MYO5C: variants seen among roughly 807,000 people sequenced by gnomAD.
The protein encoded by MYO5C is myosin VC.
MYO5C carries 194 observed loss-of-function variants against 235.7 expected under a neutral mutation model. The observed-to-expected ratio is 0.82, with a 90% confidence interval of 0.73 to 0.93. The LOEUF is 0.93. Ranked by LOEUF, MYO5C falls within the 40% of genes least tolerant of loss-of-function variation. The pLI is 0.00. For missense variants in MYO5C, 2,038 were observed against 2,127.2 expected (o/e 0.96, Z 0.82); for synonymous variants, 707 against 754.8 (o/e 0.94, Z 1.04).
rs2036951849 is a variant in MYO5C at position 52,272,689 on chromosome 15, T to C, written c.641A>G (p.Asn214Ser). 1.2e-6 allele frequency: 2 copies of C among 1,614,148 alleles called. No homozygotes were observed. The highest frequency in any genetic ancestry group is 2.2e-5 in the South Asian group (2 of 91,058). Residue 214 changes from asparagine (N) to serine (S), a missense_variant, in exon 6 of 41, where the codon AAT (asparagine) becomes AGT (serine). Transcript: ENST00000261839. ...VGNAKTTRND[N>S]SSRFGKYTEI... The stretch of plus-strand genomic sequence containing the variant: ...TGTGTATTTCCCAAACCGACTACTA[T>C]TGTCATTGCGGGTGGTCTTGGCATT...
chr15:52,242,554 A>G (rs538804840), intron 19 of MYO5C: 92 of 201,728 alleles, frequency 4.6e-4, no homozygotes, highest in African/African-American at 2.0e-3. Context: ...TTCATGACAC[A>G]GCAGCAGGAG....
chr15:52,253,414 A>C lies in MYO5C; in HGVS notation c.1439T>G (p.Ile480Arg). ...LEQEEYMKEDIPWTLIDFYDN... is the reference protein window; with the variant it reads ...LEQEEYMKEDRPWTLIDFYDN... ...ATAAAAATCTATCAGCGTCCAAGGTATATCTTCCTTCATGTATTCTTCTTG... is the reference window on the plus strand; with the variant it reads ...ATAAAAATCTATCAGCGTCCAAGGTCTATCTTCCTTCATGTATTCTTCTTG... The change falls in exon 12 of 41, where the codon ATA becomes AGA. Residue 480 changes from isoleucine (I) to arginine (R), a missense_variant. Ile to Arg is a moderately conservative substitution (Grantham distance 97). Coordinates refer to ENST00000261839, the MANE Select transcript of MYO5C (RefSeq NM_018728.4). The C allele has an allele frequency of 6.2e-7, 1 of 1,613,870 alleles. No individual in the cohort carries two copies. The highest frequency in any genetic ancestry group is 8.5e-7 in the Non-Finnish European group (1 of 1,179,852).
chr15:52,217,703 G>C (rs2035586618), intron 32 of MYO5C, among the ~76,000 whole-genome samples: 1 of 152,204 alleles, frequency 6.6e-6, no homozygotes, highest in African/African-American at 2.4e-5. Flanking sequence ...ACTCTTCAAA[G>C]TTAAACCCTG....
At chr15:52,236,065 C>A (rs1472604301) in intron 22 of MYO5C, among the ~76,000 whole-genome samples, 2 of 152,218 alleles carry the variant, frequency 1.3e-5, no homozygotes, top group South Asian at 4.1e-4. Flanking sequence ...TTTTGTCGAG[C>A]TTCTCAATAG....
intron 8 of MYO5C, among the ~76,000 whole-genome samples, chr15:52,268,493 GC>G (rs1265302390): frequency 6.6e-6 from 1 of 152,120 alleles, no homozygotes; most frequent in African/African-American, 2.4e-5. Flanking sequence ...AATCGGGGAG[GC>G]AGAGGTTGCG....
chr15:52,232,324 G>GGGAGGAGA (rs1327224399), intron 24 of MYO5C, among the ~76,000 whole-genome samples: 4,057 of 136,746 alleles, frequency 0.03, 1,375 homozygotes, highest in East Asian at 0.095. Context: ...AGAGAAGGAA[G>GGGAGGAGA]GAAGGAGAGA....
Position 52,229,246 on chromosome 15 carries a change from C to T in MYO5C, c.3094G>A (p.Glu1032Lys). ...TTCTCATCCTTGAGAGCTTTAATTTCTTCTTTCAAAGACTGAATCTGCTTC... is the reference window on the plus strand; with the variant it reads ...TTCTCATCCTTGAGAGCTTTAATTTTTTCTTTCAAAGACTGAATCTGCTTC... ...YEKQIQSLKE[E>K]IKALKDEKMQ... Residue 1032 changes from glutamate to lysine, a missense_variant, in exon 25 of 41, where the codon GAA (glutamate) becomes AAA (lysine). Transcript: ENST00000261839. The T allele has an allele frequency of 6.2e-7, 1 of 1,614,222 alleles. No individual in the cohort carries two copies. The highest frequency in any genetic ancestry group is 8.5e-7 in the Non-Finnish European group (1 of 1,180,038).
At position 52,205,102 on chromosome 15, in the gene MYO5C, A is replaced by G. The variant is rs759649220; in HGVS notation, c.4583T>C (p.Leu1528Pro). The G allele has an allele frequency of 1.2e-6, 2 of 1,614,240 alleles. No homozygotes were observed. The highest frequency in any genetic ancestry group is 1.7e-6 in the Non-Finnish European group (2 of 1,180,044). ...EYESLQGISG[L>P]KPTGFRKRSS... ...GCGCTTCCGGAAGCCTGTGGGCTTC[A>G]GGCCGGAAATGCCCTGCAGGCTCTC... Residue 1528 changes from leucine to proline, a missense_variant, in exon 38 of 41, where the codon CTG becomes CCG. By Grantham distance (98) the Leu-to-Pro change is moderately conservative. Transcript: ENST00000261839.
At chr15:52,212,067 T>G (rs535755216) in intron 34 of MYO5C, among the ~76,000 whole-genome samples, 183 bp from the exon 35 acceptor site, 1 of 152,350 alleles carries the variant, frequency 6.6e-6, no homozygotes, top group Admixed American at 6.5e-5. Context: ...GATACACAGG[T>G]GTCACTTGTT....
intron 1 of MYO5C, among the ~76,000 whole-genome samples, chr15:52,285,621 G>T (rs994508103): frequency 2.0e-5 from 3 of 152,214 alleles, no homozygotes; most frequent in Admixed American, 6.5e-5. Context: ...GTGGCGCGCC[G>T]CCACGCCTGA....
chr15:52,195,564 T>C, intron 39 of MYO5C, 107 bp from the exon 40 acceptor site: 4 of 672,574 alleles, frequency 5.9e-6, no homozygotes, highest in Non-Finnish European at 9.2e-6. Context: ...GGTGGTTCTT[T>C]TAGCCTATAA....
At chr15:52,250,390 G>A (rs147633675) in intron 13 of MYO5C, among the ~76,000 whole-genome samples, 29 of 151,714 alleles carry the variant, frequency 1.9e-4, no homozygotes, top group Non-Finnish European at 3.5e-4. Context: ...TTACAGGTGC[G>A]TGCCACCACG....
intron 4 of MYO5C, 144 bp from the exon 5 acceptor site, chr15:52,275,862 G>C (rs2037037498): frequency 3.6e-6 from 3 of 823,468 alleles, no homozygotes; most frequent in Middle Eastern, 2.5e-4. Flanking sequence ...TTTCCTTCTA[G>C]ATTTTTTTTT....
Position 52,213,741 on chromosome 15 carries a change from T to A in MYO5C, c.4043-455A>T, listed in dbSNP as rs1043679311. ...ACATAGAGGCTTAAAACAACACAAA[T>A]GTTTAATCATACAGCTCTGGAGGTC... is the stretch of plus-strand genomic sequence containing the variant. On this transcript the variant is annotated intron_variant, in intron 33 of 40. Coordinates refer to ENST00000261839, the MANE Select transcript of MYO5C (RefSeq NM_018728.4). 7.9e-5 allele frequency among the ~76,000 whole-genome samples: 12 copies of A among 152,310 alleles called. No homozygotes were observed. In the South Asian group the frequency reaches 2.5e-3, roughly 32 times the overall value.
intron 33 of MYO5C, 120 bp downstream of exon 33, chr15:52,214,483 C>T: frequency 1.3e-6 from 1 of 749,408 alleles, no homozygotes. Context: ...AGGTCACAAA[C>T]CTCACCACTT....
At position 52,235,721 on chromosome 15, in the gene MYO5C, G is replaced by C. The variant is rs1458887239; in HGVS notation, c.2911C>G (p.Gln971Glu). The change falls in exon 23 of 41, where the codon CAG (glutamine) becomes GAG (glutamate). Residue 971 changes from glutamine to glutamate, a missense_variant. Transcript: ENST00000261839. ...LQKHNSELET[Q>E]KEQIQLKLQE... is the part of the protein sequence containing the mutation. ...AGCTTCAGCTGTATTTGTTCTTTCT[G>C]TGTTTCCAGTTCTGAATTATGCTTC... 4 of 1,612,126 alleles carry C rather than the reference G, an allele frequency of 2.5e-6. No individual in the cohort carries two copies. In the African/African-American group the frequency reaches 5.3e-5, roughly 22 times the overall value.
At chr15:52,242,001 G>A in intron 20 of MYO5C, 47 bp downstream of exon 20, 1 of 1,548,068 alleles carries the variant, frequency 6.5e-7, no homozygotes, top group Non-Finnish European at 8.7e-7. Context: ...TTCTCAGTAA[G>A]GAAGGCCCGT....
intron 10 of MYO5C, among the ~76,000 whole-genome samples, chr15:52,257,657 C>G (rs1160168186): frequency 6.6e-6 from 1 of 152,172 alleles, no homozygotes; most frequent in Non-Finnish European, 1.5e-5. Context: ...TAACACAGCC[C>G]TATGTGAAGG....
chr15:52,230,260 G>T (rs2035917765), intron 24 of MYO5C, among the ~76,000 whole-genome samples: 1 of 152,212 alleles, frequency 6.6e-6, no homozygotes, highest in Admixed American at 6.5e-5. Flanking sequence ...TTGAAGCAGT[G>T]CCAGGAGCTC....
Sources: gnomAD v4.1 joint callset for allele counts (sites outside exome capture counted in the v4.1 genomes callset) on GRCh38, gnomAD v4.1.1 for gene constraint, MANE v1.5 for transcripts, NCBI Gene and HGNC (gene_info 2026-07-23, HGNC 2026-07-21) for gene names.